Variants in KYNU observed in about 807,000 individuals in gnomAD.
The protein encoded by KYNU is L-kynurenine hydrolase.
In KYNU, 54 loss-of-function variants were observed where a neutral mutation model predicts 59.2. That is an observed-to-expected ratio of 0.91 (90% CI 0.73 to 1.14). KYNU has a LOEUF of 1.14. Among genes scored for constraint, KYNU ranks in the 50% most tolerant of loss-of-function variants. KYNU has a pLI of 0.00. For missense variants in KYNU, 567 were observed against 554.4 expected (o/e 1.02, Z -0.23); for synonymous variants, 177 against 192.0 (o/e 0.92, Z 0.65).
intron 8 of KYNU, among the ~76,000 whole-genome samples, 196 bp from the exon 9 acceptor site, chr2:142,984,888 A>G (rs896277117): frequency 6.6e-6 from 1 of 152,056 alleles, no homozygotes; most frequent in Admixed American, 6.6e-5. Flanking sequence ...TCTTAGCATG[A>G]TGACAATTGC....
intron 10 of KYNU, among the ~76,000 whole-genome samples, chr2:142,993,530 G>A (rs531081174): frequency 7.0e-4 from 106 of 151,990 alleles, no homozygotes; most frequent in Non-Finnish European, 1.2e-3. Flanking sequence ...ACTCATCTGT[G>A]GAATCATGAC....
chr2:143,042,923 C>T lies in KYNU; in HGVS notation c.*751C>T, dbSNP rs759282738. 6.7e-6 allele frequency: 1 copy of T among 148,174 alleles called. No individual in the cohort carries two copies. Among genetic ancestry groups the T allele is most frequent in the Admixed American group, 6.7e-5 (1 of 14,828 alleles). 9.2% of individuals were successfully genotyped at this position (148,174 alleles called of 1,614,324 possible). A position where few individuals can be genotyped will look rare whatever the true frequency, so the allele number is the denominator to read the frequency against. On this transcript the variant is annotated 3_prime_UTR_variant, in exon 14 of 14. Transcript: ENST00000264170. Reference sequence around the variant, plus strand: ...AGCATGCATCTCAAATAAACAGTTACCATCTTCTATTTGATAAAATAGTCT... The same window carrying T: ...AGCATGCATCTCAAATAAACAGTTATCATCTTCTATTTGATAAAATAGTCT...
At chr2:142,887,389 G>A (rs1436646365) in intron 2 of KYNU, among the ~76,000 whole-genome samples, 1 of 152,076 alleles carries the variant, frequency 6.6e-6, no homozygotes, top group East Asian at 1.9e-4. Context: ...GAAAGAGTAT[G>A]GCAGTTTCCT....
At chr2:142,939,616 AAAAAAAG>A (rs1402266200) in intron 4 of KYNU, among the ~76,000 whole-genome samples, 6 of 150,608 alleles carry the variant, frequency 4.0e-5, no homozygotes, top group East Asian at 1.9e-4. Context: ...AAAAAAAAAA[AAAAAAAG>A]AAAAAAGAAA....
chr2:143,051,170 C>A lies in KYNU; in HGVS notation c.*8998C>A, dbSNP rs1202441666. ...TGCAGTAATTGTTTTGACTAATTCT[C>A]TAGTTTTTCAACTTTTGATTGTTTA... On this transcript the variant is annotated 3_prime_UTR_variant, in exon 14 of 14. Coordinates refer to ENST00000264170, the MANE Select transcript of KYNU (RefSeq NM_003937.3). 1.3e-5 allele frequency: 2 copies of A among 152,150 alleles called. No individual in the cohort carries two copies. The highest frequency in any genetic ancestry group is 4.8e-5 in the African/African-American group (2 of 41,446). The allele number at this position is 152,150 out of a possible 1,614,324, so 9.4% of individuals were successfully genotyped here.
At chr2:142,962,314 C>T (rs149405047) in intron 8 of KYNU, among the ~76,000 whole-genome samples, 13 of 152,294 alleles carry the variant, frequency 8.5e-5, no homozygotes, top group Non-Finnish European at 1.6e-4. Context: ...AGTTACTTGA[C>T]ATCTCGCTTT....
intron 4 of KYNU, chr2:142,947,410 T>A (rs1378380110): frequency 1.7e-6 from 1 of 604,252 alleles, no homozygotes; most frequent in Non-Finnish European, 2.8e-6. Flanking sequence ...GAATAAAAGC[T>A]AATGTCCCAA....
At position 143,055,163 on chromosome 2, in the gene KYNU, A is replaced by G. The variant is rs1159161083; in HGVS notation, c.*12991A>G. 1.3e-5 allele frequency: 2 copies of G among 152,192 alleles called. No individual in the cohort carries two copies. Among genetic ancestry groups the G allele is most frequent in the African/African-American group, 2.4e-5 (1 of 41,442 alleles). 9.4% of individuals were successfully genotyped at this position (152,192 alleles called of 1,614,324 possible). A position where few individuals can be genotyped will look rare whatever the true frequency, so the allele number is the denominator to read the frequency against. ...GGCTGCTATAACAAATGACCAAAAA[A>G]CATAGTGACTGAAAATAACCCACAT... On this transcript the variant is annotated 3_prime_UTR_variant, in exon 14 of 14. Coordinates refer to ENST00000264170, the MANE Select transcript of KYNU (RefSeq NM_003937.3).
chr2:142,996,167 A>G (rs1685538882), intron 10 of KYNU, among the ~76,000 whole-genome samples: 1 of 152,044 alleles, frequency 6.6e-6, no homozygotes, highest in African/African-American at 2.4e-5. Context: ...ACGGAATTGT[A>G]GTATGGTCGA....
At chr2:142,929,016 A>AAG (rs1364154679) in intron 4 of KYNU, among the ~76,000 whole-genome samples, 3 of 147,168 alleles carry the variant, frequency 2.0e-5, no homozygotes, top group Non-Finnish European at 4.5e-5. Context: ...TCAAAAAAAA[A>AAG]AAAAAAAAAC....
At chr2:143,005,029 T>C (rs1020582561) in intron 10 of KYNU, among the ~76,000 whole-genome samples, 3 of 152,222 alleles carry the variant, frequency 2.0e-5, no homozygotes, top group African/African-American at 7.2e-5. Flanking sequence ...TTGCCCTAGC[T>C]TAAGCTAAGA....
intron 8 of KYNU, among the ~76,000 whole-genome samples, chr2:142,976,191 T>A (rs7570195): frequency 6.6e-6 from 1 of 152,302 alleles, no homozygotes; most frequent in South Asian, 2.1e-4. Context: ...GGCCACATGC[T>A]GACCGAAGCC....
intron 4 of KYNU, among the ~76,000 whole-genome samples, chr2:142,932,597 A>G (rs1185474139): frequency 2.0e-5 from 3 of 152,156 alleles, no homozygotes; most frequent in Admixed American, 6.5e-5. Context: ...TTTTCCAGGT[A>G]GACGAGTGTG....
chr2:143,034,811 C>T (rs1005504767), intron 12 of KYNU, among the ~76,000 whole-genome samples: 23 of 152,230 alleles, frequency 1.5e-4, no homozygotes, highest in African/African-American at 5.3e-4. Context: ...TTTGTATCAG[C>T]GAGATGTGTG....
At chr2:142,885,277 G>T in intron 1 of KYNU, 72 bp from the exon 2 acceptor site, 3 of 1,225,276 alleles carry the variant, frequency 2.4e-6, no homozygotes, top group Non-Finnish European at 3.6e-6. Flanking sequence ...AACAAAAGGT[G>T]TATTACCTAA....
chr2:142,918,794 T>C (rs1390725708), intron 3 of KYNU, 65 bp downstream of exon 3: 1 of 1,516,072 alleles, frequency 6.6e-7, no homozygotes, highest in Non-Finnish European at 9.1e-7. Context: ...TCACATTAGG[T>C]TGTCTAATAT....
Position 142,982,070 on chromosome 2 carries a change from C to G in KYNU, c.730-3014C>G, listed in dbSNP as rs192634622. On this transcript the variant is annotated intron_variant, in intron 8 of 13. Transcript: ENST00000264170. ...ATTTGTAATTTGGGGTTCTTTTTTT[C>G]TTAGGAAGTGTTAGAACACTTCTAA... Among the ~76,000 whole-genome samples, 10 of 152,174 alleles carry G rather than the reference C, an allele frequency of 6.6e-5. No individual in the cohort carries two copies. The East Asian group carries it at 1.9e-3, about 29-fold the overall frequency.
intron 4 of KYNU, among the ~76,000 whole-genome samples, chr2:142,940,139 T>C (rs1034715582): frequency 1.3e-5 from 2 of 151,014 alleles, no homozygotes; most frequent in African/African-American, 2.5e-5. Flanking sequence ...CCTTCGTTTG[T>C]GTTCATTTGT....
intron 2 of KYNU, among the ~76,000 whole-genome samples, chr2:142,914,233 C>G (rs1346353682): frequency 1.3e-5 from 2 of 152,240 alleles, no homozygotes. Flanking sequence ...TCAACCCTTT[C>G]CTGACTTAGG....
Sources: gnomAD v4.1 joint callset for allele counts (sites outside exome capture counted in the v4.1 genomes callset) on GRCh38, gnomAD v4.1.1 for gene constraint, MANE v1.5 for transcripts, NCBI Gene and HGNC (gene_info 2026-07-23, HGNC 2026-07-21) for gene names.